Variants in TMEM263 observed in about 807,000 individuals in gnomAD.
TMEM263 encodes the protein UPF0444 transmembrane protein C12orf23.
In TMEM263, 5 loss-of-function variants were observed where a neutral mutation model predicts 8.6. That is an observed-to-expected ratio of 0.58 (90% confidence interval 0.31 to 1.23). The LOEUF (loss-of-function observed/expected upper bound fraction) is 1.23, where lower values mean the gene tolerates loss of function less well. Among genes scored for constraint, TMEM263 ranks in the 50% most tolerant of loss-of-function variants. The probability of loss-of-function intolerance (pLI) is 0.07; values close to 1 mark genes in which losing one functional copy is unlikely to be tolerated. For synonymous variants in TMEM263, 50 were observed against 47.9 expected (o/e 1.04, Z -0.18); for missense variants, 104 against 138.8 (o/e 0.75, Z 1.26).
Position 106,967,142 on chromosome 12 carries a change from A to G in TMEM263, c.26A>G (p.Gln9Arg), listed in dbSNP as rs200506365. MNQTDKNQQEIPSYLNDEP... is the reference protein window; with the variant it reads MNQTDKNQREIPSYLNDEP... Reference sequence around the variant, plus strand: ...ATGAATCAGACAGATAAAAATCAACAAGAAATCCCATCATACCTTAATGAT... The same window carrying G: ...ATGAATCAGACAGATAAAAATCAACGAGAAATCCCATCATACCTTAATGAT... The change falls in exon 3 of 4, where the codon CAA (glutamine) becomes CGA (arginine). Residue 9 changes from glutamine (Q) to arginine (R), a missense_variant. By Grantham distance (43) the Gln-to-Arg change is conservative. Transcript: ENST00000280756. The G allele has an allele frequency of 1.2e-4, 194 of 1,601,772 alleles. No individual in the cohort carries two copies. Among genetic ancestry groups the G allele is most frequent in the Non-Finnish European group, 1.6e-4 (190 of 1,173,832 alleles).
At chr12:106,961,647 T>C (rs1018333000) in intron 2 of TMEM263, among the ~76,000 whole-genome samples, 2 of 152,176 alleles carry the variant, frequency 1.3e-5, no homozygotes, top group Non-Finnish European at 2.9e-5. Flanking sequence ...TAAAAATGCC[T>C]ATATCTTTAA....
chr12:106,969,335 T>C (rs1483292116), intron 3 of TMEM263, among the ~76,000 whole-genome samples: 1 of 152,214 alleles, frequency 6.6e-6, no homozygotes, highest in Non-Finnish European at 1.5e-5. Context: ...AATTTACCCC[T>C]CTTTTTCAGA....
At chr12:106,962,131 A>C (rs1175126687) in intron 2 of TMEM263, among the ~76,000 whole-genome samples, 2 of 152,208 alleles carry the variant, frequency 1.3e-5, no homozygotes, top group East Asian at 1.9e-4. Context: ...ACTATATACA[A>C]ATACTATATT....
rs938642726 is a variant in TMEM263 at position 106,973,916 on chromosome 12, A to G, written c.*2525A>G. On this transcript the variant is annotated 3_prime_UTR_variant, in exon 4 of 4. Coordinates refer to ENST00000280756, the MANE Select transcript of TMEM263 (RefSeq NM_152261.4). ...TGTCAGATGAAAATAACTGATGAAT[A>G]ATTTTTTTGTATTAAAGGGATGGGA... 6.6e-6 allele frequency: 1 copy of G among 152,618 alleles called. No homozygotes were observed. The highest frequency in any genetic ancestry group is 1.5e-5 in the Non-Finnish European group (1 of 68,034). 9.5% of individuals were successfully genotyped at this position (152,618 alleles called of 1,614,324 possible).
chr12:106,963,757 AT>A (rs1951809664), intron 2 of TMEM263, among the ~76,000 whole-genome samples: 1 of 152,226 alleles, frequency 6.6e-6, no homozygotes, highest in Non-Finnish European at 1.5e-5. Context: ...AGCAGAACTA[AT>A]TTTTAAAAAT....
At chr12:106,958,639 T>G (rs1209483081) in intron 2 of TMEM263, among the ~76,000 whole-genome samples, 1 of 152,272 alleles carries the variant, frequency 6.6e-6, no homozygotes, top group African/African-American at 2.4e-5. Flanking sequence ...ATAACCAGTT[T>G]AGTTGGTATT....
intron 3 of TMEM263, among the ~76,000 whole-genome samples, chr12:106,970,413 G>A (rs1951903654): frequency 6.6e-6 from 1 of 152,120 alleles, no homozygotes; most frequent in Non-Finnish European, 1.5e-5. Context: ...TGGAAATTGT[G>A]AGCAAGGTGA....
chr12:106,962,495 T>C (rs1951792291), intron 2 of TMEM263, among the ~76,000 whole-genome samples: 1 of 152,238 alleles, frequency 6.6e-6, no homozygotes, highest in South Asian at 2.1e-4. Context: ...TGGCTTCTCT[T>C]TTGCTCACCT....
intron 2 of TMEM263, among the ~76,000 whole-genome samples, chr12:106,962,226 G>A (rs980542743): frequency 2.1e-5 from 3 of 144,334 alleles, no homozygotes; most frequent in East Asian, 2.0e-4. Context: ...AACCCCCCCC[G>A]CCCCCTGGCA....
At position 106,969,886 on chromosome 12, in the gene TMEM263, A is replaced by C. The variant is rs1039884877; in HGVS notation, c.65-1219A>C. Among the ~76,000 whole-genome samples the C allele has an allele frequency of 4.6e-5, 7 of 151,962 alleles. 1 individual carries two copies. The highest frequency in any genetic ancestry group is 3.3e-4 in the Admixed American group (5 of 15,274). On this transcript the variant is annotated intron_variant, in intron 3 of 3. Transcript: ENST00000280756. ...ATATGTGGCTCTATTTAAAAAAAAA[A>C]AACAAAGAAAATAAACTCATGACTT...
intron 2 of TMEM263, chr12:106,966,878 C>T (rs1307001577): frequency 2.4e-6 from 1 of 417,028 alleles, no homozygotes; most frequent in Non-Finnish European, 4.2e-6. Flanking sequence ...ATGACTGCCA[C>T]TCTTTGGTGA....
chr12:106,966,179 C>T (rs1336394681), intron 2 of TMEM263, among the ~76,000 whole-genome samples: 1 of 152,130 alleles, frequency 6.6e-6, no homozygotes, highest in African/African-American at 2.4e-5. Flanking sequence ...CTCTTGTTAC[C>T]TTCTTTGTGT....
In TMEM263 at chr12:106,971,338, G is replaced by A; in HGVS notation, c.298G>A (p.Ala100Thr). Residue 100 changes from alanine (A) to threonine (T), a missense_variant, in exon 4 of 4, where the codon GCT (alanine) becomes ACT (threonine). Physicochemically the swap from Ala to Thr is moderately conservative, Grantham distance 58. Coordinates refer to ENST00000280756, the MANE Select transcript of TMEM263 (RefSeq NM_152261.4). ...TGGAGGTGTTACAGCTGTTGGGTCT[G>A]CTGTTGTAAACAAAGTGCCCTTAAC... ...VAGGVTAVGS[A>T]VVNKVPLTGK... 1 of 1,614,040 alleles carries A rather than the reference G, an allele frequency of 6.2e-7. No homozygotes were observed. The highest frequency in any genetic ancestry group is 8.5e-7 in the Non-Finnish European group (1 of 1,179,958).
rs1555270714 is a variant in TMEM263 at position 106,957,204 on chromosome 12, G to GTGTGTGTGTA, written c.-7+62_-7+63insGTATGTGTGT. On this transcript the variant is annotated intron_variant, in intron 2 of 3. Coordinates refer to ENST00000280756, the MANE Select transcript of TMEM263 (RefSeq NM_152261.4). ...TGTGTGTGTGTGTGTGTGTGTGTGT[G>GTGTGTGTGTA]TGTGTGTATGTGTGTGCGCGCTCGC... 4.0e-5 allele frequency: 36 copies of GTGTGTGTGTA among 907,462 alleles called. No homozygotes were observed. In the East Asian group the frequency reaches 3.7e-3, roughly 92 times the overall value. 56.2% of individuals were successfully genotyped at this position (907,462 alleles called of 1,614,324 possible). A position where few individuals can be genotyped will look rare whatever the true frequency, so the allele number is the denominator to read the frequency against.
At chr12:106,962,631 C>T (rs1487320730) in intron 2 of TMEM263, among the ~76,000 whole-genome samples, 1 of 152,244 alleles carries the variant, frequency 6.6e-6, no homozygotes, top group Non-Finnish European at 1.5e-5. Flanking sequence ...TCAACTCTAA[C>T]TCCAACTTTA....
chr12:106,957,733 C>T (rs907030259), intron 2 of TMEM263, among the ~76,000 whole-genome samples: 7 of 152,116 alleles, frequency 4.6e-5, no homozygotes, highest in South Asian at 2.1e-4. Flanking sequence ...TTAAGGATAA[C>T]CCTTAAAAAT....
intron 3 of TMEM263, among the ~76,000 whole-genome samples, chr12:106,969,994 CTCTT>C (rs1951898600): frequency 6.6e-6 from 1 of 152,026 alleles, no homozygotes; most frequent in Non-Finnish European, 1.5e-5. Context: ...AGCACACACT[CTCTT>C]TCATAAGAAT....
chr12:106,967,234 T>C, intron 3 of TMEM263, 54 bp downstream of exon 3: 1 of 1,081,584 alleles, frequency 9.2e-7, no homozygotes, highest in South Asian at 1.5e-5. Flanking sequence ...ATTAAAGTTC[T>C]GATAGTTTTT....
Position 106,971,283 on chromosome 12 carries a change from G to A in TMEM263, c.243G>A (p.Gly81=). The A allele has an allele frequency of 2.5e-6, 4 of 1,614,214 alleles. No homozygotes were observed. The highest frequency in any genetic ancestry group is 1.1e-5 in the South Asian group (1 of 91,084). The change falls in exon 4 of 4, where the codon GGG becomes GGA. Residue 81 remains glycine (G), a synonymous_variant. Transcript: ENST00000280756. The part of the protein sequence containing the change: ...AVTTVPSMGI[G]LVKGGVSAVA... ...CAACTGTGCCTTCCATGGGAATAGG[G>A]CTGGTGAAAGGGGGTGTCTCTGCTG...
Sources: allele counts gnomAD v4.1 joint callset (sites outside exome capture counted in the v4.1 genomes callset), GRCh38; gene constraint gnomAD v4.1.1; transcripts MANE v1.5; gene names NCBI Gene and HGNC (gene_info 2026-07-23, HGNC 2026-07-21).